The following ARVCF variants were observed in gnomAD, a reference collection of about 807,000 sequenced individuals.
ARVCF encodes the protein splicing regulator ARVCF.
In ARVCF, 66 loss-of-function variants were observed where a neutral mutation model predicts 90.9. The ratio of observed to expected loss-of-function variants is 0.73; its 90% CI spans 0.60 to 0.89. ARVCF has a LOEUF of 0.89. Among genes scored for constraint, ARVCF ranks in the 40% least tolerant of loss-of-function variants. The pLI, the probability that ARVCF is intolerant of heterozygous loss-of-function variation, is 0.00. For missense variants in ARVCF, 1,469 were observed against 1,382.3 expected, an observed-to-expected ratio of 1.06 and a Z score of -1.00; for synonymous variants, 653 against 603.4, an observed-to-expected ratio of 1.08 and a Z score of -1.21.
chr22:20,001,089 G>A lies in ARVCF; in HGVS notation c.-19+9366C>T, dbSNP rs141299881. Among the ~76,000 whole-genome samples, 796 of 152,198 alleles carry A rather than the reference G, an allele frequency of 5.2e-3. 8 individuals are homozygous for A. The highest frequency in any genetic ancestry group is 0.018 in the African/African-American group (729 of 41,494). ...GCTGCTTATCCCACCTAGAAGTCCCGACAGGCCCTTTGGGGGGTGGGGGAC... is the reference window on the plus strand; with the variant it reads ...GCTGCTTATCCCACCTAGAAGTCCCAACAGGCCCTTTGGGGGGTGGGGGAC... On this transcript the variant is annotated intron_variant, in intron 2 of 19. Transcript: ENST00000263207.
chr22:19,981,696 G>A lies in ARVCF; in HGVS notation c.411C>T (p.Arg137=). ...GTCCATCTGGGCCCACGGGCACCTGGCGTACTGTCCGAGTGGTCACCGTCT... is the reference window on the plus strand; with the variant it reads ...GTCCATCTGGGCCCACGGGCACCTGACGTACTGTCCGAGTGGTCACCGTCT... ...TVKTVTTRTV[R]QVPVGPDGLP... The change falls in exon 5 of 20, where the codon CGC becomes CGT. Residue 137 remains arginine (R), a synonymous_variant. Transcript: ENST00000263207. The A allele has an allele frequency of 2.5e-6, 4 of 1,595,240 alleles. No individual in the cohort carries two copies. Among genetic ancestry groups the A allele is most frequent in the Non-Finnish European group, 3.4e-6 (4 of 1,170,530 alleles).
At chr22:19,987,672 C>T (rs1027437868) in intron 3 of ARVCF, among the ~76,000 whole-genome samples, 15 of 152,072 alleles carry the variant, frequency 9.9e-5, no homozygotes, top group South Asian at 6.2e-4. Context: ...ACAGTAGTCA[C>T]GGCTCTGTGA....
At chr22:20,003,459 A>AAAAC (rs765541694) in intron 2 of ARVCF, among the ~76,000 whole-genome samples, 2 of 152,198 alleles carry the variant, frequency 1.3e-5, no homozygotes, top group South Asian at 4.1e-4. Flanking sequence ...AAAAATTCTC[A>AAAAC]AAACAAACAA....
intron 3 of ARVCF, chr22:19,983,856 AC>A (rs1943628058): frequency 6.6e-6 from 1 of 152,410 alleles, no homozygotes; most frequent in Admixed American, 6.5e-5. Flanking sequence ...TAGAGTGGGG[AC>A]AACTGGCACG....
At chr22:19,985,593 A>G (rs1202464200) in intron 3 of ARVCF, among the ~76,000 whole-genome samples, 2 of 152,198 alleles carry the variant, frequency 1.3e-5, no homozygotes, top group Non-Finnish European at 2.9e-5. Context: ...TTTGTGGCAA[A>G]ATGCAAGGAA....
At position 19,972,738 on chromosome 22, in the gene ARVCF, A is replaced by C. The variant is rs1461014677; in HGVS notation, c.2640T>G (p.Leu880=). 1 of 1,608,978 alleles carries C rather than the reference A, an allele frequency of 6.2e-7. No homozygotes were observed. The highest frequency in any genetic ancestry group is 8.5e-7 in the Non-Finnish European group (1 of 1,177,498). The part of the protein sequence containing the change: ...DSTLPLVDKS[L]EGEKTGSRDV... Reference sequence around the variant, plus strand: ...GGCTCCCTAAGCTCCACCACTCACCAAGGCTCTTGTCCACCAGTGGCAGCG... The same window carrying C: ...GGCTCCCTAAGCTCCACCACTCACCCAGGCTCTTGTCCACCAGTGGCAGCG... The change falls in exon 16 of 20, where the codon CTT becomes CTG. Residue 880 remains leucine, a splice_region_variant and synonymous_variant. Transcript: ENST00000263207.
chr22:19,973,022 T>C lies in ARVCF; in HGVS notation c.2453A>G (p.Glu818Gly). 1 of 1,612,978 alleles carries C rather than the reference T, an allele frequency of 6.2e-7. No individual in the cohort carries two copies. Among genetic ancestry groups the C allele is most frequent in the East Asian group, 2.2e-5 (1 of 44,824 alleles). Residue 818 changes from glutamate to glycine, a missense_variant, in exon 15 of 20, where the codon GAA becomes GGA. By Grantham distance (98) the Glu-to-Gly change is moderately conservative. Coordinates refer to ENST00000263207, the MANE Select transcript of ARVCF (RefSeq NM_001670.3). ...ALVASSQSVR[E>G]AKAASHVLQT... is the part of the protein sequence containing the mutation. ...CAGCACGTGTGACGCCGCCTTCGCT[T>C]CGCGTACCGATTGGCTGTGGGGCCG... is the stretch of plus-strand genomic sequence containing the variant.
chr22:19,986,617 G>A (rs1320672931), intron 3 of ARVCF: 1 of 156,326 alleles, frequency 6.4e-6, no homozygotes, highest in Non-Finnish European at 1.4e-5. Flanking sequence ...GTGGAGGGGA[G>A]AGGAGGAACC....
At chr22:19,995,442 A>T (rs940953007) in intron 2 of ARVCF, among the ~76,000 whole-genome samples, 4 of 152,020 alleles carry the variant, frequency 2.6e-5, no homozygotes, top group African/African-American at 9.7e-5. Flanking sequence ...GAACCTCACT[A>T]AGTGGGGAAA....
At position 19,980,082 on chromosome 22, in the gene ARVCF, G is replaced by T. The variant is rs1179130091; in HGVS notation, c.1057C>A (p.Pro353Thr). ...SPSVDSARKEPRWRDPELPEV... is the reference protein window; with the variant it reads ...SPSVDSARKETRWRDPELPEV... ...GGCAGCTCAGGGTCCCGCCAGCGCGGCTCCTTGCGGGCGCTATCCACTGAG... is the reference window on the plus strand; with the variant it reads ...GGCAGCTCAGGGTCCCGCCAGCGCGTCTCCTTGCGGGCGCTATCCACTGAG... Residue 353 changes from proline to threonine, a missense_variant, in exon 6 of 20, where the codon CCG (proline) becomes ACG (threonine). Physicochemically the swap from Pro to Thr is conservative, Grantham distance 38. Transcript: ENST00000263207. The T allele has an allele frequency of 3.2e-6, 5 of 1,582,434 alleles. No homozygotes were observed. The highest frequency in any genetic ancestry group is 4.3e-6 in the Non-Finnish European group (5 of 1,165,636).
chr22:19,973,697 C>T lies in ARVCF; in HGVS notation c.2185G>A (p.Val729Ile), dbSNP rs778549957. Residue 729 changes from valine to isoleucine, a missense_variant, in exon 13 of 20, where the codon GTC (valine) becomes ATC (isoleucine). Transcript: ENST00000263207. The stretch of plus-strand genomic sequence containing the variant: ...GAGAGGTTGCGCAGAGCGATGGCGA[C>T]GGCGCGCACCACCTTGTCGGTCTCA... ...QSETDKVVRA[V>I]AIALRNLSLD... The T allele has an allele frequency of 1.9e-6, 3 of 1,610,214 alleles. No individual in the cohort carries two copies. The highest frequency in any genetic ancestry group is 2.2e-5 in the South Asian group (2 of 91,080).
chr22:19,981,225 C>A lies in ARVCF; in HGVS notation c.882G>T (p.Arg294=), dbSNP rs1943474663. The A allele has an allele frequency of 6.5e-7, 1 of 1,545,610 alleles. No homozygotes were observed. The highest frequency in any genetic ancestry group is 8.7e-7 in the Non-Finnish European group (1 of 1,144,392). The change falls in exon 5 of 20, where the codon CGG becomes CGT. Residue 294 remains arginine (R), a synonymous_variant. Transcript: ENST00000263207. The part of the protein sequence containing the change: ...TATRRRPECG[R]GLHTRAYEDT... ...GTGCAGCTCACCTGGTATGAAGGCC[C>A]CGCCCACACTCAGGCCTCCTCCTTG...
At chr22:19,979,305 G>A in intron 6 of ARVCF, 1 of 582,286 alleles carries the variant, frequency 1.7e-6, no homozygotes, top group Middle Eastern at 4.5e-4. Context: ...TGGCAGTGCT[G>A]TCCCGTCCCA....
downstream of ARVCF, chr22:19,968,536 G>C (rs1942556598): frequency 6.2e-7 from 1 of 1,613,826 alleles, no homozygotes; most frequent in Non-Finnish European, 8.5e-7. Flanking sequence ...CTGTTTGCAG[G>C]AATGTGGCCT....
intron 15 of ARVCF, 33 bp from the exon 16 acceptor site, chr22:19,972,860 A>G (rs1305598446): frequency 6.2e-7 from 1 of 1,613,640 alleles, no homozygotes; most frequent in East Asian, 2.2e-5. Flanking sequence ...AGGGTGGGTG[A>G]AGCACATGGA....
intron 19 of ARVCF, 84 bp from the exon 20 acceptor site, chr22:19,970,827 C>T: frequency 7.8e-7 from 1 of 1,284,854 alleles, no homozygotes; most frequent in Non-Finnish European, 1.0e-6. Flanking sequence ...GCAGCCAACT[C>T]CACAGGCTAC....
intron 2 of ARVCF, among the ~76,000 whole-genome samples, chr22:20,002,528 T>C (rs1601666804): frequency 6.6e-6 from 1 of 152,382 alleles, no homozygotes; most frequent in East Asian, 1.9e-4. Context: ...AACATCGCTC[T>C]GAAACCCCAT....
intron 1 of ARVCF, among the ~76,000 whole-genome samples, chr22:20,012,090 C>G (rs76206039): frequency 0.017 from 2,526 of 146,308 alleles, 48 homozygotes; most frequent in Middle Eastern, 0.033. Context: ...CCCCCCCCCC[C>G]ACCCAGTTGG....
chr22:19,970,825 C>G, intron 19 of ARVCF, 82 bp from the exon 20 acceptor site: 1 of 1,285,478 alleles, frequency 7.8e-7, no homozygotes, highest in Non-Finnish European at 1.0e-6. Flanking sequence ...GGGCAGCCAA[C>G]TCCACAGGCT....
Sources: gnomAD v4.1 joint callset for allele counts (sites outside exome capture counted in the v4.1 genomes callset) on GRCh38, gnomAD v4.1.1 for gene constraint, MANE v1.5 for transcripts, NCBI Gene and HGNC (gene_info 2026-07-23, HGNC 2026-07-21) for gene names.